FOCAD: variants seen among roughly 807,000 people sequenced by gnomAD.
FOCAD encodes focadhesin, also known as KIAA1797.
In FOCAD, 198 loss-of-function variants were observed where a neutral mutation model predicts 225.6. The observed-to-expected ratio is 0.88, with a 90% CI of 0.78 to 0.99. The LOEUF is 0.99. Among genes scored for constraint, FOCAD ranks in the 50% least tolerant of loss-of-function variants. The probability of loss-of-function intolerance (pLI) is 0.00; values close to 1 mark genes in which losing one functional copy is unlikely to be tolerated. For missense variants in FOCAD, 2,713 were observed against 2,123.6 expected, an observed-to-expected ratio of 1.28 and a Z score of -5.46; for synonymous variants, 897 against 755.0, an observed-to-expected ratio of 1.19 and a Z score of -3.08.
chr9:20,885,207 A>G lies in FOCAD; in HGVS notation c.2602A>G (p.Thr868Ala), dbSNP rs756185825. 2 of 1,532,064 alleles carry G rather than the reference A, an allele frequency of 1.3e-6. No individual in the cohort carries two copies. Among genetic ancestry groups the G allele is most frequent in the South Asian group, 2.7e-5 (2 of 74,436 alleles). The allele number at this position is 1,532,064 out of a possible 1,614,324, so 94.9% of individuals were successfully genotyped here. Reference protein sequence around the residue: ...MASRGRSFKQTSLALVHEVHI... With the variant: ...MASRGRSFKQASLALVHEVHI... ...CAGCAGAGGGCGAAGTTTCAAGCAG[A>G]CTTCACTTGCTCTTGTACATGAGGT... The change falls in exon 21 of 44, where the codon ACT (threonine) becomes GCT (alanine). Residue 868 changes from threonine (T) to alanine (A), a missense_variant. Coordinates refer to ENST00000338382, the MANE Select transcript of FOCAD (RefSeq NM_001375567.1).
At chr9:20,853,721 T>C (rs1293875559) in intron 15 of FOCAD, among the ~76,000 whole-genome samples, 1 of 151,794 alleles carries the variant, frequency 6.6e-6, no homozygotes, top group Non-Finnish European at 1.5e-5. Flanking sequence ...TACCTCAATA[T>C]CTATATCTGT....
At chr9:20,910,263 C>G (rs1833327803) in intron 22 of FOCAD, among the ~76,000 whole-genome samples, 2 of 152,124 alleles carry the variant, frequency 1.3e-5, no homozygotes, top group South Asian at 4.1e-4. Flanking sequence ...TGTTACCCTT[C>G]TGGGATGCTG....
At chr9:20,664,778 C>T (rs1432555769) in intron 2 of FOCAD, among the ~76,000 whole-genome samples, 5 of 150,960 alleles carry the variant, frequency 3.3e-5, no homozygotes, top group East Asian at 1.9e-4. Context: ...TGTGCCCGGC[C>T]CAGGGTGATA....
chr9:20,949,026 A>T (rs950175742), intron 32 of FOCAD, 98 bp downstream of exon 32: 1 of 1,084,958 alleles, frequency 9.2e-7, no homozygotes, highest in Non-Finnish European at 1.4e-6. Context: ...GAACAGAAGG[A>T]TTTATGCTCA....
In FOCAD at chr9:20,946,704, C is replaced by T. The variant is rs780689560; in HGVS notation, c.3559C>T (p.Leu1187Phe). Residue 1187 changes from leucine to phenylalanine, a missense_variant, in exon 30 of 44, where the codon CTT (leucine) becomes TTT (phenylalanine). Transcript: ENST00000338382. ...GSQSRTFQEV[L>F]AYTLSCVCTS... ...TTCTGCTGTATTTTCTTCTCAGGTC[C>T]TTGCCTACACACTTAGCTGTGTATG... 10 of 1,609,974 alleles carry T rather than the reference C, an allele frequency of 6.2e-6. No homozygotes were observed. In the South Asian group the frequency reaches 8.9e-5, roughly 14 times the overall value.
At chr9:20,700,606 A>T (rs1350571965) in intron 1 of FOCAD, among the ~76,000 whole-genome samples, 1 of 151,236 alleles carries the variant, frequency 6.6e-6, no homozygotes, top group Admixed American at 6.6e-5. Flanking sequence ...TGTGTTGGTT[A>T]CTAAATTCAA....
intron 28 of FOCAD, among the ~76,000 whole-genome samples, chr9:20,933,724 C>T (rs1334393254): frequency 6.6e-6 from 1 of 152,100 alleles, no homozygotes; most frequent in Non-Finnish European, 1.5e-5. Context: ...CCTGTGAGTA[C>T]ATACCCAGTA....
intron 5 of FOCAD, among the ~76,000 whole-genome samples, chr9:20,753,083 T>C (rs1466674720): frequency 6.6e-6 from 1 of 152,192 alleles, no homozygotes; most frequent in African/African-American, 2.4e-5. Flanking sequence ...GTTTTCTAGA[T>C]ATACAATCAT....
intron 35 of FOCAD, among the ~76,000 whole-genome samples, chr9:20,954,368 G>A (rs2132402598): frequency 6.6e-6 from 1 of 152,146 alleles, no homozygotes; most frequent in African/African-American, 2.4e-5. Context: ...ATATATTTCT[G>A]CTATATTTTT....
chr9:20,967,999 C>T (rs1839417868), intron 35 of FOCAD, among the ~76,000 whole-genome samples: 3 of 152,114 alleles, frequency 2.0e-5, no homozygotes, highest in Admixed American at 2.0e-4. Context: ...ATACTCCCTT[C>T]TCCTATTTTT....
intron 5 of FOCAD, among the ~76,000 whole-genome samples, chr9:20,751,996 G>C (rs1483248721): frequency 7.0e-6 from 1 of 143,736 alleles, no homozygotes; most frequent in East Asian, 2.0e-4. Flanking sequence ...CCCACTTTTT[G>C]ATGGGGTTGT....
chr9:20,946,909 T>C (rs1242469548), intron 30 of FOCAD, 89 bp downstream of exon 30: 4 of 1,498,096 alleles, frequency 2.7e-6, no homozygotes, highest in South Asian at 1.2e-5. Flanking sequence ...TAGAGTATAA[T>C]GGGATATTTT....
chr9:20,864,642 A>G (rs1239951969), intron 16 of FOCAD, among the ~76,000 whole-genome samples: 2 of 152,090 alleles, frequency 1.3e-5, no homozygotes, highest in Non-Finnish European at 2.9e-5. Context: ...GTATGCATAT[A>G]TTATTTTCCC....
intron 8 of FOCAD, 149 bp downstream of exon 8, chr9:20,770,387 G>A (rs773202011): frequency 6.3e-4 from 436 of 696,804 alleles, no homozygotes; most frequent in Non-Finnish European, 8.9e-4. Flanking sequence ...AGCTTCTGGG[G>A]AGGCCTCAGG....
At chr9:20,949,871 AG>A (rs757368507) in intron 33 of FOCAD, among the ~76,000 whole-genome samples, 196 bp downstream of exon 33, 14 of 152,150 alleles carry the variant, frequency 9.2e-5, no homozygotes, top group Non-Finnish European at 1.9e-4. Flanking sequence ...TGGGAAAAAA[AG>A]AAAGCTGGCA....
intron 1 of FOCAD, among the ~76,000 whole-genome samples, chr9:20,698,434 C>G (rs1054942644): frequency 1.3e-5 from 2 of 152,078 alleles, no homozygotes; most frequent in African/African-American, 4.8e-5. Context: ...GAGTCTTGCT[C>G]TATGACCCAG....
intron 35 of FOCAD, among the ~76,000 whole-genome samples, chr9:20,975,602 A>G (rs1001313801): frequency 6.6e-6 from 1 of 152,236 alleles, no homozygotes; most frequent in African/African-American, 2.4e-5. Context: ...TGAGGTACTA[A>G]TGTAAAAGAA....
In FOCAD at chr9:20,835,891, C is replaced by G. The variant is rs79120762; in HGVS notation, c.1920+12776C>G. Among the ~76,000 whole-genome samples, 565 of 152,128 alleles carry G rather than the reference C, an allele frequency of 3.7e-3. 4 individuals are homozygous for G. The highest frequency in any genetic ancestry group is 0.013 in the African/African-American group (542 of 41,538). Reference sequence around the variant, plus strand: ...CAAAGCCAAGCATTGTATGATTGAGCAATAGATAAGGAGGAGGGGCGGCCT... The same window carrying G: ...CAAAGCCAAGCATTGTATGATTGAGGAATAGATAAGGAGGAGGGGCGGCCT... On this transcript the variant is annotated intron_variant, in intron 15 of 43. Coordinates refer to ENST00000338382, the MANE Select transcript of FOCAD (RefSeq NM_001375567.1).
intron 2 of FOCAD, among the ~76,000 whole-genome samples, chr9:20,660,933 C>T (rs1249600688): frequency 6.6e-6 from 1 of 152,152 alleles, no homozygotes; most frequent in East Asian, 1.9e-4. Context: ...TGGGGACATT[C>T]CATGACAAGA....
Sources: allele counts gnomAD v4.1 joint callset (sites outside exome capture counted in the v4.1 genomes callset), GRCh38; gene constraint gnomAD v4.1.1; transcripts MANE v1.5; gene names NCBI Gene and HGNC (gene_info 2026-07-23, HGNC 2026-07-21).